The following PRRC2C variants were observed in gnomAD, a reference collection of about 807,000 sequenced individuals.
PRRC2C encodes the protein protein PRRC2C.
Under a neutral mutation model 317.2 loss-of-function variants are expected in PRRC2C, and 72 were observed. The ratio of observed to expected loss-of-function variants is 0.23; its 90% confidence interval spans 0.19 to 0.28. The LOEUF is 0.28. Ranked by LOEUF, PRRC2C falls within the 10% of genes least tolerant of loss-of-function variation. The probability of loss-of-function intolerance (pLI) is 1.00; values close to 1 mark genes in which losing one functional copy is unlikely to be tolerated. For synonymous variants in PRRC2C, 1,296 were observed against 1,205.9 expected (o/e 1.07, Z -1.55); for missense variants, 3,074 against 3,459.7 (o/e 0.89, Z 2.80).
At chr1:171,522,096 G>C in intron 6 of PRRC2C, 81 bp from the exon 7 acceptor site, 1 of 582,116 alleles carries the variant, frequency 1.7e-6, no homozygotes, top group East Asian at 3.4e-5. Flanking sequence ...TCAGGCCTAG[G>C]CTCAGATTTA....
Position 171,558,021 on chromosome 1 carries a change from G to A in PRRC2C, c.5909G>A (p.Gly1970Asp). 2 of 1,613,960 alleles carry A rather than the reference G, an allele frequency of 1.2e-6. No individual in the cohort carries two copies. The highest frequency in any genetic ancestry group is 1.7e-6 in the Non-Finnish European group (2 of 1,179,896). Residue 1970 changes from glycine to aspartate, a missense_variant, in exon 19 of 35, where the codon GGC becomes GAC. Physicochemically the swap from Gly to Asp is moderately conservative, Grantham distance 94. Around this residue, in one of 11 missense-constraint regions of PRRC2C, gnomAD observed 640 missense variants for 676.1 expected, o/e 0.95. Transcript: ENST00000647382. ...IRLPSAQTPN[G>D]TDYVASGKSI... is the part of the protein sequence containing the mutation. ...CTGCCTTCAGCTCAAACACCTAATG[G>A]CACAGATTATGTAGCCTCAGGAAAA...
Position 171,523,362 on chromosome 1 carries a change from G to T in PRRC2C, c.967+8G>T, listed in dbSNP as rs1423643678. The T allele has an allele frequency of 6.2e-7, 1 of 1,613,838 alleles. No homozygotes were observed. Among genetic ancestry groups the T allele is most frequent in the Non-Finnish European group, 8.5e-7 (1 of 1,179,830 alleles). On this transcript the variant is annotated splice_region_variant and intron_variant, in intron 8 of 34. Coordinates refer to ENST00000647382, the MANE Select transcript of PRRC2C (RefSeq NM_001387844.1). ...CTGATGAAGGTTGGGCAGGTAAGAG[G>T]CAAAATTAATTAAGTCCTTTAAATT...
At chr1:171,555,943 C>G (rs1355213092) in intron 18 of PRRC2C, among the ~76,000 whole-genome samples, 2 of 152,208 alleles carry the variant, frequency 1.3e-5, no homozygotes, top group African/African-American at 4.8e-5. Flanking sequence ...AGAACCACTG[C>G]CCTCTTCAGA....
At chr1:171,591,377 T>TG (rs1321547529) in intron 34 of PRRC2C, 11 of 619,894 alleles carry the variant, frequency 1.8e-5, no homozygotes, top group Admixed American at 8.4e-5. Flanking sequence ...CCTGTGGTTT[T>TG]TTTTTTTTTT....
chr1:171,559,743 AC>A (rs1357151119), intron 19 of PRRC2C, among the ~76,000 whole-genome samples: 2 of 151,744 alleles, frequency 1.3e-5, no homozygotes, highest in Admixed American at 1.3e-4. Flanking sequence ...CTGGTCTCGA[AC>A]CCCTGACTTC....
intron 16 of PRRC2C, among the ~76,000 whole-genome samples, chr1:171,544,768 G>A (rs982429623): frequency 5.3e-5 from 8 of 152,104 alleles, no homozygotes; most frequent in Admixed American, 1.3e-4. Flanking sequence ...CCATATAGAA[G>A]AAATGAACTC....
chr1:171,569,819 A>G (rs1010054108), intron 23 of PRRC2C, among the ~76,000 whole-genome samples: 1 of 151,592 alleles, frequency 6.6e-6, no homozygotes, highest in African/African-American at 2.4e-5. Flanking sequence ...AAAGTATATG[A>G]TGCTTTTTGC....
chr1:171,517,462 C>G, intron 5 of PRRC2C, 129 bp from the exon 6 acceptor site: 1 of 826,554 alleles, frequency 1.2e-6, no homozygotes, highest in Admixed American at 2.7e-5. Flanking sequence ...ATTAGTAGGA[C>G]CTGGATTAGA....
intron 5 of PRRC2C, among the ~76,000 whole-genome samples, chr1:171,516,524 A>G (rs1448727568): frequency 1.3e-5 from 2 of 152,192 alleles, no homozygotes; most frequent in Non-Finnish European, 2.9e-5. Flanking sequence ...TTCAAGCGTC[A>G]TAATGTGGTT....
chr1:171,587,305 T>C, intron 31 of PRRC2C, 84 bp downstream of exon 31: 5 of 1,266,362 alleles, frequency 3.9e-6, no homozygotes, highest in Non-Finnish European at 5.3e-6. Flanking sequence ...TCTAAAAAAC[T>C]AAAATGCGTC....
At chr1:171,588,028 A>G (rs986195793) in intron 32 of PRRC2C, among the ~76,000 whole-genome samples, 4 of 152,070 alleles carry the variant, frequency 2.6e-5, no homozygotes, top group Admixed American at 1.3e-4. Flanking sequence ...ACTAGAGTGC[A>G]GTGCCATGAT....
rs1488116088 is a variant in PRRC2C at position 171,577,485 on chromosome 1, C to T, written c.7007C>T (p.Ser2336Leu). The T allele has an allele frequency of 6.2e-6, 10 of 1,612,744 alleles. No homozygotes were observed. Among genetic ancestry groups the T allele is most frequent in the African/African-American group, 1.3e-5 (1 of 74,902 alleles). ...TTGAGCACAAAATCTACAACCACATCGGACCCTCCAAATATTTGTAAAGTG... is the reference window on the plus strand; with the variant it reads ...TTGAGCACAAAATCTACAACCACATTGGACCCTCCAAATATTTGTAAAGTG... ...SSLSTKSTTTSDPPNICKVKP... is the reference protein window; with the variant it reads ...SSLSTKSTTTLDPPNICKVKP... The change falls in exon 26 of 35, where the codon TCG (serine) becomes TTG (leucine). Residue 2336 changes from serine (S) to leucine (L), a missense_variant. Around this residue, in one of 11 missense-constraint regions of PRRC2C, gnomAD observed 490 missense variants for 663.1 expected, o/e 0.74. Coordinates refer to ENST00000647382, the MANE Select transcript of PRRC2C (RefSeq NM_001387844.1).
chr1:171,562,270 A>G (rs976734044), intron 20 of PRRC2C, among the ~76,000 whole-genome samples: 1 of 152,204 alleles, frequency 6.6e-6, no homozygotes, highest in African/African-American at 2.4e-5. Context: ...AGGGAAGTCC[A>G]TGTAGCTGGA....
Position 171,557,972 on chromosome 1 carries a change from A to G in PRRC2C, c.5860A>G (p.Lys1954Glu), listed in dbSNP as rs1681776506. The G allele has an allele frequency of 7.4e-6, 12 of 1,613,316 alleles. No individual in the cohort carries two copies. Among genetic ancestry groups the G allele is most frequent in the African/African-American group, 1.3e-5 (1 of 74,980 alleles). Residue 1954 changes from lysine to glutamate, a missense_variant, in exon 19 of 35, where the codon AAA (lysine) becomes GAA (glutamate). Lys to Glu is a moderately conservative substitution (Grantham distance 56, BLOSUM62 1). This residue lies in a region of PRRC2C where 640 missense variants were observed against 676.1 expected (regional missense o/e 0.95). Transcript: ENST00000647382. ...NPLQTTSQSS[K>E]QPPPSIRLPS... ...ACTACAGACTACATCTCAGTCTTCA[A>G]AACAACCACCACCATCAATTAGGCT... is the stretch of plus-strand genomic sequence containing the variant.
chr1:171,485,671 C>G lies in PRRC2C; in HGVS notation c.-122C>G, dbSNP rs1191969423. ...CCCTTTAACCCCAGCTTTCCCTCCC[C>G]CTTCTTTCGATCAGAGATCGGCGGA... On this transcript the variant is annotated 5_prime_UTR_variant, in exon 1 of 35. Transcript: ENST00000647382. 16 of 152,682 alleles carry G rather than the reference C, an allele frequency of 1.0e-4. No individual in the cohort carries two copies. The highest frequency in any genetic ancestry group is 9.8e-4 in the Admixed American group (15 of 15,286). The allele number at this position is 152,682 out of a possible 1,614,324, so 9.5% of individuals were successfully genotyped here.
rs148613702 is a variant in PRRC2C at position 171,552,833 on chromosome 1, A to C, written c.5127+2593A>C. Among the ~76,000 whole-genome samples the C allele has an allele frequency of 2.8e-4, 42 of 152,280 alleles. 1 individual carries two copies. The East Asian group carries it at 7.7e-3, about 28-fold the overall frequency. On this transcript the variant is annotated intron_variant, in intron 18 of 34. Transcript: ENST00000647382. ...GAAGCCAAGTTGATCTTGGTGGATA[A>C]GCTTTCTGATGTGCTGCTGGATTTG...
chr1:171,560,616 ACAATT>A (rs1473769074), intron 19 of PRRC2C, among the ~76,000 whole-genome samples: 2 of 152,258 alleles, frequency 1.3e-5, no homozygotes, highest in Non-Finnish European at 2.9e-5. Context: ...CAAAAAAAGT[ACAATT>A]CAAAGGCTAA....
At chr1:171,514,132 T>C (rs1410981218) in intron 3 of PRRC2C, among the ~76,000 whole-genome samples, 3 of 152,230 alleles carry the variant, frequency 2.0e-5, no homozygotes, top group African/African-American at 7.2e-5. Context: ...GGGAGTTTGC[T>C]TAGCTTTAGC....
chr1:171,520,242 C>T (rs1264506385), intron 6 of PRRC2C, among the ~76,000 whole-genome samples: 2 of 152,178 alleles, frequency 1.3e-5, no homozygotes, highest in African/African-American at 4.8e-5. Flanking sequence ...GGATTACAGG[C>T]GTGAGCCACC....
Sources: gnomAD v4.1 joint callset for allele counts (sites outside exome capture counted in the v4.1 genomes callset) on GRCh38, gnomAD v4.1.1 for gene constraint, gnomAD v4.1.1 regional missense constraint, MANE v1.5 for transcripts, NCBI Gene and HGNC (gene_info 2026-07-23, HGNC 2026-07-21) for gene names.